Variants in CDC14B observed in about 807,000 individuals in gnomAD.
The protein encoded by CDC14B is dual specificity protein phosphatase CDC14B.
A neutral mutation model predicts 64.2 loss-of-function variants in CDC14B; 22 were observed. The observed-to-expected ratio is 0.34, with a 90% CI of 0.24 to 0.49. The LOEUF (loss-of-function observed/expected upper bound fraction) is 0.49, where lower values mean the gene tolerates loss of function less well. CDC14B is among the 20% of genes least tolerant of loss of function. CDC14B has a pLI of 0.99. For missense variants in CDC14B, 498 were observed against 629.9 expected, an observed-to-expected ratio of 0.79 and a Z score of 2.24; for synonymous variants, 191 against 215.8, an observed-to-expected ratio of 0.89 and a Z score of 1.01.
At chr9:96,608,107 G>A (rs1847087706) in intron 1 of CDC14B, among the ~76,000 whole-genome samples, 1 of 152,206 alleles carries the variant, frequency 6.6e-6, no homozygotes, top group African/African-American at 2.4e-5. Flanking sequence ...GACCCAGTCT[G>A]TGTGCTAGTG....
At chr9:96,602,332 C>T (rs1431976612) in intron 1 of CDC14B, among the ~76,000 whole-genome samples, 2 of 151,954 alleles carry the variant, frequency 1.3e-5, no homozygotes, top group Non-Finnish European at 2.9e-5. Context: ...TGAAGCACAG[C>T]ACCTCTGCAA....
At chr9:96,575,294 G>C (rs2118144710) in intron 1 of CDC14B, among the ~76,000 whole-genome samples, 1 of 152,270 alleles carries the variant, frequency 6.6e-6, no homozygotes, top group African/African-American at 2.4e-5. Flanking sequence ...TGCCCACACA[G>C]ATAAACCAAG....
Position 96,508,268 on chromosome 9 carries a change from C to T in CDC14B, c.1460+1405G>A, listed in dbSNP as rs997911658. ...TGACCTCAAGTGGTCCACCTGCCTCCGCCTCCCAAAGTGCTGGGATTACAG... is the reference window on the plus strand; with the variant it reads ...TGACCTCAAGTGGTCCACCTGCCTCTGCCTCCCAAAGTGCTGGGATTACAG... On this transcript the variant is annotated intron_variant, in intron 13 of 13. Transcript: ENST00000375241. Among the ~76,000 whole-genome samples the T allele has an allele frequency of 2.2e-4, 33 of 152,112 alleles. 1 individual carries two copies. In the Middle Eastern group the frequency reaches 0.024, roughly 110 times the overall value.
chr9:96,578,864 G>A (rs1844965642), intron 1 of CDC14B, among the ~76,000 whole-genome samples: 1 of 152,198 alleles, frequency 6.6e-6, no homozygotes, highest in South Asian at 2.1e-4. Context: ...TGTTGCCCAG[G>A]CTGGAGTGCA....
intron 4 of CDC14B, 146 bp downstream of exon 4, chr9:96,562,547 T>C: frequency 1.5e-6 from 1 of 650,504 alleles, no homozygotes; most frequent in South Asian, 1.8e-5. Context: ...CACAGCTTCC[T>C]TGAATTGGTC....
At chr9:96,559,317 A>G (rs1258499149) in intron 4 of CDC14B, among the ~76,000 whole-genome samples, 1 of 152,212 alleles carries the variant, frequency 6.6e-6, no homozygotes, top group Non-Finnish European at 1.5e-5. Context: ...TCTATTTGGA[A>G]TATTTCTTTC....
In CDC14B at chr9:96,503,686, T is replaced by C; in HGVS notation, c.*67A>G. ...TTTGCAATTTTGTTTTGTTTTCAAATTGTGCTAATTTCTGTTGCAGTTTTC... is the reference window on the plus strand; with the variant it reads ...TTTGCAATTTTGTTTTGTTTTCAAACTGTGCTAATTTCTGTTGCAGTTTTC... On this transcript the variant is annotated 3_prime_UTR_variant, in exon 14 of 14. Transcript: ENST00000375241. 7.1e-7 allele frequency: 1 copy of C among 1,409,276 alleles called. No individual in the cohort carries two copies. Among genetic ancestry groups the C allele is most frequent in the Non-Finnish European group, 9.9e-7 (1 of 1,009,132 alleles). 87.3% of individuals were successfully genotyped at this position (1,409,276 alleles called of 1,614,324 possible). A position where few individuals can be genotyped will look rare whatever the true frequency, so the allele number is the denominator to read the frequency against.
chr9:96,566,633 T>G (rs1587998456), intron 1 of CDC14B: 1 of 808,752 alleles, frequency 1.2e-6, no homozygotes, highest in Non-Finnish European at 2.0e-6. Flanking sequence ...TGGGGACAAG[T>G]GCCGAGGCCA....
chr9:96,553,364 T>TC (rs375648559), intron 4 of CDC14B, among the ~76,000 whole-genome samples: 16 of 150,830 alleles, frequency 1.1e-4, no homozygotes, highest in Middle Eastern at 3.4e-3. Flanking sequence ...TCTTTTCTTT[T>TC]TTTTTTTTTT....
At chr9:96,605,191 TAAC>T (rs1239123920) in intron 1 of CDC14B, among the ~76,000 whole-genome samples, 2 of 151,116 alleles carry the variant, frequency 1.3e-5, no homozygotes, top group African/African-American at 2.4e-5. Flanking sequence ...AAAAAAAAAA[TAAC>T]AATAACGTAA....
chr9:96,529,509 T>TTTTTA (rs1838104168), intron 9 of CDC14B, among the ~76,000 whole-genome samples: 1 of 146,788 alleles, frequency 6.8e-6, no homozygotes, highest in African/African-American at 2.7e-5. Context: ...TTTTTTTTTT[T>TTTTTA]GAGACGGGAT....
chr9:96,600,976 A>G (rs1161429387), intron 1 of CDC14B, among the ~76,000 whole-genome samples: 1 of 152,214 alleles, frequency 6.6e-6, no homozygotes, highest in African/African-American at 2.4e-5. Flanking sequence ...ATAATGGAAC[A>G]GTATGCATCC....
intron 12 of CDC14B, among the ~76,000 whole-genome samples, chr9:96,511,528 G>C (rs1834906971): frequency 6.6e-6 from 1 of 152,202 alleles, no homozygotes; most frequent in African/African-American, 2.4e-5. Flanking sequence ...CCGAGATCGT[G>C]CCACTGCACT....
chr9:96,562,737 G>C lies in CDC14B; in HGVS notation c.376C>G (p.Gln126Glu), dbSNP rs773332366. 1 of 1,612,154 alleles carries C rather than the reference G, an allele frequency of 6.2e-7. No homozygotes were observed. Among genetic ancestry groups the C allele is most frequent in the South Asian group, 1.1e-5 (1 of 91,032 alleles). ...KKIVHFTGSD[Q>E]RKQANAAFLV... ...AAGGCAGCATTTGCTTGTTTTCTCT[G>C]ATCAGAGCCAGTAAAATGAACAATT... is the stretch of plus-strand genomic sequence containing the variant. Residue 126 changes from glutamine to glutamate, a missense_variant, in exon 4 of 14, where the codon CAG becomes GAG. Gln to Glu is a conservative substitution (Grantham distance 29). Transcript: ENST00000375241.
At chr9:96,603,690 C>T (rs1846660386) in intron 1 of CDC14B, among the ~76,000 whole-genome samples, 1 of 152,236 alleles carries the variant, frequency 6.6e-6, no homozygotes, top group South Asian at 2.1e-4. Context: ...TTAAATTCCA[C>T]TTCTTACAAG....
Position 96,500,747 on chromosome 9 carries a change from T to C in CDC14B, c.*3006A>G, listed in dbSNP as rs1481689028. 1.3e-5 allele frequency: 2 copies of C among 152,296 alleles called. No homozygotes were observed. Among genetic ancestry groups the C allele is most frequent in the East Asian group, 3.8e-4 (2 of 5,200 alleles). The allele number at this position is 152,296 out of a possible 1,614,324, so 9.4% of individuals were successfully genotyped here. A position where few individuals can be genotyped will look rare whatever the true frequency, so the allele number is the denominator to read the frequency against. On this transcript the variant is annotated 3_prime_UTR_variant, in exon 14 of 14. Transcript: ENST00000375241. ...TTTCCAAAATGCAATAATGATTTTT[T>C]TTAATGTAGAAAGAGAAGCTGTGTT...
At chr9:96,535,499 T>A (rs1392153487) in intron 7 of CDC14B, among the ~76,000 whole-genome samples, 1 of 152,132 alleles carries the variant, frequency 6.6e-6, no homozygotes, top group Non-Finnish European at 1.5e-5. Flanking sequence ...ATAGATACAG[T>A]TCAAATTTAA....
chr9:96,514,539 T>G (rs1355745731), intron 12 of CDC14B: 1 of 985,368 alleles, frequency 1.0e-6, no homozygotes, highest in Non-Finnish European at 1.2e-6. Flanking sequence ...TCAGCTTGAT[T>G]TTTAAATCTT....
At chr9:96,581,254 G>C (rs1315053270) in intron 1 of CDC14B, among the ~76,000 whole-genome samples, 1 of 150,654 alleles carries the variant, frequency 6.6e-6, no homozygotes, top group East Asian at 2.0e-4. Context: ...AAAATTAACA[G>C]ATTTGTATCC....
Sources: gnomAD v4.1 joint callset for allele counts (sites outside exome capture counted in the v4.1 genomes callset) on GRCh38, gnomAD v4.1.1 for gene constraint, MANE v1.5 for transcripts, NCBI Gene and HGNC (gene_info 2026-07-23, HGNC 2026-07-21) for gene names.